Variants in SMPD3 observed in about 807,000 individuals in gnomAD.
SMPD3 encodes nSMase-2.
A neutral mutation model predicts 55.7 loss-of-function variants in SMPD3; 21 were observed. The observed-to-expected ratio is 0.38, with a 90% CI of 0.27 to 0.54. The LOEUF (loss-of-function observed/expected upper bound fraction) is 0.54, where lower values mean the gene tolerates loss of function less well. Among genes scored for constraint, SMPD3 ranks in the 20% least tolerant of loss-of-function variants. SMPD3 has a pLI of 0.80. For missense variants in SMPD3, 842 were observed against 899.6 expected (o/e 0.94, Z 0.82); for synonymous variants, 457 against 404.3 (o/e 1.13, Z -1.56).
At chr16:68,378,133 A>T (rs542074392) in intron 2 of SMPD3, among the ~76,000 whole-genome samples, 20 of 152,304 alleles carry the variant, frequency 1.3e-4, no homozygotes, top group Non-Finnish European at 2.9e-4. Context: ...CCACAAGCTC[A>T]TGTCTAAACA....
At chr16:68,420,362 T>C (rs2090382493) in intron 1 of SMPD3, among the ~76,000 whole-genome samples, 1 of 152,196 alleles carries the variant, frequency 6.6e-6, no homozygotes, top group African/African-American at 2.4e-5. Flanking sequence ...GATGAGGAAA[T>C]TGAGGTTCAG....
chr16:68,380,045 T>G (rs2089913779), intron 2 of SMPD3, among the ~76,000 whole-genome samples: 1 of 152,252 alleles, frequency 6.6e-6, no homozygotes, highest in East Asian at 1.9e-4. Flanking sequence ...GGGGGACAGC[T>G]GAGTTTGAAG....
At chr16:68,411,354 G>T (rs2090299054) in intron 1 of SMPD3, among the ~76,000 whole-genome samples, 1 of 151,990 alleles carries the variant, frequency 6.6e-6, no homozygotes, top group African/African-American at 2.4e-5. Context: ...GCCAGAGCTG[G>T]TGTCTGAGGA....
intron 1 of SMPD3, among the ~76,000 whole-genome samples, chr16:68,427,699 G>A (rs1337136018): frequency 6.6e-6 from 1 of 152,048 alleles, no homozygotes; most frequent in Non-Finnish European, 1.5e-5. Flanking sequence ...GTTGAGAACT[G>A]TGTAACATCT....
chr16:68,426,248 C>T (rs987709513), intron 1 of SMPD3, among the ~76,000 whole-genome samples: 3 of 152,176 alleles, frequency 2.0e-5, no homozygotes, highest in African/African-American at 7.2e-5. Context: ...CCAAGCCCCA[C>T]GGATGTCAGA....
At chr16:68,386,864 G>T (rs2090060741) in intron 1 of SMPD3, among the ~76,000 whole-genome samples, 1 of 152,220 alleles carries the variant, frequency 6.6e-6, no homozygotes, top group Non-Finnish European at 1.5e-5. Flanking sequence ...GTCCCAGTGG[G>T]TGGGGCCCGA....
In SMPD3 at chr16:68,447,081, G is replaced by GC. The variant is rs34037311; in HGVS notation, c.-269+1271dup. Among the ~76,000 whole-genome samples, 4 of 151,782 alleles carry GC rather than the reference G, an allele frequency of 2.6e-5. No homozygotes were observed. In the South Asian group the frequency reaches 8.3e-4, roughly 31 times the overall value. On this transcript the variant is annotated intron_variant, in intron 1 of 8. Transcript: ENST00000219334. The surrounding 1 kb of genome is among the most constrained non-coding windows in gnomAD (Gnocchi z 5.1). ...GGAAGCTGCCCGCGCCGCGCCCGAAGCCCCCCCTCCGCGGCCGCGCCCCCC... is the reference window on the plus strand; with the variant it reads ...GGAAGCTGCCCGCGCCGCGCCCGAAGCCCCCCCCTCCGCGGCCGCGCCCCCC...
intron 1 of SMPD3, among the ~76,000 whole-genome samples, chr16:68,396,477 CTG>C (rs2090158322): frequency 6.6e-6 from 1 of 152,222 alleles, no homozygotes; most frequent in Non-Finnish European, 1.5e-5. Flanking sequence ...ATGCTGTACC[CTG>C]TGTCTGGAAC....
intron 1 of SMPD3, among the ~76,000 whole-genome samples, chr16:68,443,945 CT>C (rs2090587456): frequency 6.6e-6 from 1 of 152,166 alleles, no homozygotes; most frequent in South Asian, 2.1e-4. Context: ...GTTTCCTCAC[CT>C]TGAAAGTGGG....
intron 1 of SMPD3, among the ~76,000 whole-genome samples, chr16:68,430,789 G>C (rs887943905): frequency 6.6e-6 from 1 of 152,130 alleles, no homozygotes; most frequent in East Asian, 1.9e-4. Context: ...TGGCTGAACC[G>C]GGACACTCTC....
intron 6 of SMPD3, 102 bp downstream of exon 6, chr16:68,363,674 GC>G: frequency 6.9e-7 from 1 of 1,448,936 alleles, no homozygotes; most frequent in Non-Finnish European, 9.5e-7. Flanking sequence ...GCTGAATGGG[GC>G]CCTTCCCCAG....
At chr16:68,440,448 G>A (rs755542014) in intron 1 of SMPD3, among the ~76,000 whole-genome samples, 2 of 152,130 alleles carry the variant, frequency 1.3e-5, no homozygotes, top group African/African-American at 2.4e-5. Context: ...AAATCCACTC[G>A]CCTCGACCTC....
At chr16:68,421,306 G>A (rs1304488231) in intron 1 of SMPD3, among the ~76,000 whole-genome samples, 3 of 152,210 alleles carry the variant, frequency 2.0e-5, no homozygotes, top group Non-Finnish European at 4.4e-5. Context: ...CTGTGGCTCT[G>A]TCTGGCGCTT....
chr16:68,437,498 C>A (rs2090532266), intron 1 of SMPD3, among the ~76,000 whole-genome samples: 1 of 152,224 alleles, frequency 6.6e-6, no homozygotes, highest in East Asian at 1.9e-4. Context: ...TATCCCTGGA[C>A]AACTTGTCAA....
chr16:68,403,817 A>G (rs929116709), intron 1 of SMPD3, among the ~76,000 whole-genome samples: 1 of 152,208 alleles, frequency 6.6e-6, no homozygotes, highest in African/African-American at 2.4e-5. Context: ...AATATTCTGT[A>G]ATGAAGGGGA....
intron 2 of SMPD3, among the ~76,000 whole-genome samples, chr16:68,385,137 T>G (rs921463182): frequency 1.3e-5 from 2 of 152,114 alleles, no homozygotes; most frequent in Admixed American, 6.5e-5. Flanking sequence ...ACTGCACAAC[T>G]ACCCCAAATG....
In SMPD3 at chr16:68,433,869, CA is replaced by C. The variant is rs375570278; in HGVS notation, c.-269+14483del. Among the ~76,000 whole-genome samples the C allele has an allele frequency of 8.7e-5, 13 of 149,858 alleles. No individual in the cohort carries two copies. The South Asian group carries it at 2.5e-3, about 29-fold the overall frequency. On this transcript the variant is annotated intron_variant, in intron 1 of 8. Transcript: ENST00000219334. ...GAGTCTTACTCTTTTTTTTCTAGTT[CA>C]TTTTTTTTTTTTAGGTCATGGAATA... is the stretch of plus-strand genomic sequence containing the variant.
Position 68,361,675 on chromosome 16 carries a change from C to A in SMPD3, c.1794G>T (p.Leu598=). ...CGATGCGCCGGCCGTTGCCCTTCAG[C>A]AGCTCCTTCCGCCCCTTCTGGCCCG... The part of the protein sequence containing the change: ...KSSGQKGRKE[L]LKGNGRRIDY... Residue 598 remains leucine (L), a synonymous_variant, in exon 8 of 9, where the codon CTG becomes CTT. Transcript: ENST00000219334. 1.2e-6 allele frequency: 2 copies of A among 1,612,876 alleles called. No individual in the cohort carries two copies. Among genetic ancestry groups the A allele is most frequent in the African/African-American group, 2.7e-5 (2 of 75,060 alleles).
rs193230941 is a variant in SMPD3 at position 68,412,179 on chromosome 16, C to T, written c.-268-25520G>A. ...TAGGAAAAGCCTAAGGAGGGGAGGG[C>T]ATGAAGATGATGAGGAATGAGCAGT... On this transcript the variant is annotated intron_variant, in intron 1 of 8. Transcript: ENST00000219334. Among the ~76,000 whole-genome samples, 6 of 152,262 alleles carry T rather than the reference C, an allele frequency of 3.9e-5. No homozygotes were observed. The East Asian group carries it at 1.2e-3, about 29-fold the overall frequency.
Sources: allele counts gnomAD v4.1 joint callset (sites outside exome capture counted in the v4.1 genomes callset), GRCh38; gene constraint gnomAD v4.1.1; non-coding constraint Gnocchi (gnomAD v3.1); transcripts MANE v1.5; gene names NCBI Gene and HGNC (gene_info 2026-07-23, HGNC 2026-07-21).